The following SAE1 variants were observed in gnomAD, a reference collection of about 807,000 sequenced individuals.
The protein encoded by SAE1 is SUMO1 activating enzyme subunit 1, also known as SUMO-activating enzyme subunit 1.
In SAE1, 11 loss-of-function variants were observed where a neutral mutation model predicts 40.6. That is an observed-to-expected ratio of 0.27 (90% confidence interval 0.17 to 0.45). The LOEUF is 0.45. Among genes scored for constraint, SAE1 ranks in the 20% least tolerant of loss-of-function variants. The pLI is 1.00. For missense variants in SAE1, 373 were observed against 427.3 expected (o/e 0.87, Z 1.12); for synonymous variants, 155 against 154.3 (o/e 1.00, Z -0.03).
chr19:47,154,715 C>G (rs2058310121), intron 4 of SAE1, among the ~76,000 whole-genome samples: 1 of 151,880 alleles, frequency 6.6e-6, no homozygotes, highest in African/African-American at 2.4e-5. Flanking sequence ...AGGATGGTCT[C>G]AAACCCTTGA....
At chr19:47,140,694 C>A (rs1197876696) in intron 1 of SAE1, among the ~76,000 whole-genome samples, 1 of 151,666 alleles carries the variant, frequency 6.6e-6, no homozygotes, top group African/African-American at 2.4e-5. Flanking sequence ...ACTCAATAGG[C>A]CGAGGTGGCG....
intron 5 of SAE1, among the ~76,000 whole-genome samples, chr19:47,163,839 G>A (rs964063237): frequency 1.3e-5 from 2 of 152,182 alleles, no homozygotes; most frequent in Non-Finnish European, 2.9e-5. Context: ...AGGCTGGAGC[G>A]CAGTGGCGTG....
intron 5 of SAE1, among the ~76,000 whole-genome samples, chr19:47,157,961 C>T (rs142758951): frequency 6.6e-5 from 10 of 152,210 alleles, no homozygotes; most frequent in Admixed American, 4.6e-4. Context: ...TGCCTCCTTC[C>T]GTTTTGGCAC....
At chr19:47,172,407 G>A (rs2058440270) in intron 6 of SAE1, among the ~76,000 whole-genome samples, 1 of 152,108 alleles carries the variant, frequency 6.6e-6, no homozygotes, top group Non-Finnish European at 1.5e-5. Flanking sequence ...TGGGCCCTTT[G>A]GGAGAAGCTT....
rs143321323 is a variant in SAE1, at chr19:47,182,496, T to TGTGTGCGC, written c.733+12574_733+12575insTGTGCGCG. Among the ~76,000 whole-genome samples, 751 of 146,014 alleles carry TGTGTGCGC rather than the reference T, an allele frequency of 5.1e-3. 7 individuals carry two copies. Among genetic ancestry groups the TGTGTGCGC allele is most frequent in the African/African-American group, 0.017 (656 of 38,682 alleles). On this transcript the variant is annotated intron_variant, in intron 6 of 8. Coordinates refer to ENST00000270225, the MANE Select transcript of SAE1 (RefSeq NM_005500.3). ...GTGTGTGTGTGTGTGTGTGTGTGTG[T>TGTGTGCGC]GCGCGCACGCACGCGCGCGCGCACA... is the stretch of plus-strand genomic sequence containing the variant.
At chr19:47,184,262 C>T (rs781137133) in intron 6 of SAE1, among the ~76,000 whole-genome samples, 13 of 152,050 alleles carry the variant, frequency 8.5e-5, no homozygotes, top group Non-Finnish European at 1.6e-4. Flanking sequence ...TTCTCTTTTC[C>T]AAAGGTGACA....
chr19:47,179,185 C>T (rs187373548), intron 6 of SAE1, among the ~76,000 whole-genome samples: 27 of 133,986 alleles, frequency 2.0e-4, no homozygotes, highest in African/African-American at 7.4e-4. Flanking sequence ...GAACAAGGCT[C>T]TGTCTCCAAA....
rs903329835 is a variant in SAE1 at position 47,196,289 on chromosome 19, C to G, written c.734-944C>G. 2.0e-5 allele frequency among the ~76,000 whole-genome samples: 3 copies of G among 147,690 alleles called. No individual in the cohort carries two copies. In the Admixed American group the frequency reaches 2.0e-4, roughly 10 times the overall value. ...TGACCTCGTGATCCTCCCACCTCGG[C>G]CTCCCAAAGTGCTGGGATTACAGGC... On this transcript the variant is annotated intron_variant, in intron 6 of 8. Transcript: ENST00000270225.
rs397859917 is a variant in SAE1, at chr19:47,147,199, GTTTTTTTTTTT to G, written c.211-2985_211-2975del. On this transcript the variant is annotated intron_variant, in intron 2 of 8. Coordinates refer to ENST00000270225, the MANE Select transcript of SAE1 (RefSeq NM_005500.3). ...TGAAATGATAATTGTATGTGTATGGGTTTTTTTTTTTTTTTTTTTTTTTTTTTTGAGGCAGT... is the reference window on the plus strand; with the variant it reads ...TGAAATGATAATTGTATGTGTATGGGTTTTTTTTTTTTTTTTTGAGGCAGT... Among the ~76,000 whole-genome samples the G allele has an allele frequency of 8.2e-4, 50 of 60,978 alleles. 1 individual carries two copies. Among genetic ancestry groups the G allele is most frequent in the Non-Finnish European group, 1.2e-3 (41 of 33,378 alleles). 40.0% of individuals were successfully genotyped at this position (60,978 alleles called of 152,430 possible). A position where few individuals can be genotyped will look rare whatever the true frequency, so the allele number is the denominator to read the frequency against.
chr19:47,194,465 G>A (rs372977278), intron 6 of SAE1, among the ~76,000 whole-genome samples: 56 of 152,320 alleles, frequency 3.7e-4, no homozygotes, highest in East Asian at 2.3e-3. Context: ...AACATATACG[G>A]AAGAGATATC....
At chr19:47,171,636 A>T (rs1359545058) in intron 6 of SAE1, among the ~76,000 whole-genome samples, 1 of 149,688 alleles carries the variant, frequency 6.7e-6, no homozygotes, top group Non-Finnish European at 1.5e-5. Flanking sequence ...TATTTTTAGT[A>T]TTTTTGTATT....
Position 47,180,670 on chromosome 19 carries a change from A to G in SAE1, c.733+10747A>G, listed in dbSNP as rs538271226. Among the ~76,000 whole-genome samples the G allele has an allele frequency of 5.3e-5, 8 of 152,220 alleles. No individual in the cohort carries two copies. The South Asian group carries it at 1.7e-3, about 32-fold the overall frequency. ...AGACCCCATCTCTACAAAAAATAAA[A>G]AAGTTAGCCAGATACAGTGGTGCAT... On this transcript the variant is annotated intron_variant, in intron 6 of 8. Coordinates refer to ENST00000270225, the MANE Select transcript of SAE1 (RefSeq NM_005500.3).
At chr19:47,190,589 C>CCCTGCAAGGACTTCAGATGTGGTCAGCG (rs2058572506) in intron 6 of SAE1, among the ~76,000 whole-genome samples, 1 of 152,148 alleles carries the variant, frequency 6.6e-6, no homozygotes, top group Non-Finnish European at 1.5e-5. Flanking sequence ...TTCCCAGAGG[C>CCCTGCAAGGACTTCAGATGTGGTCAGCG]CCTGCAAGGA....
chr19:47,176,484 T>C (rs1195642628), intron 6 of SAE1, among the ~76,000 whole-genome samples: 1 of 152,216 alleles, frequency 6.6e-6, no homozygotes, highest in African/African-American at 2.4e-5. Context: ...TAAATAAATA[T>C]TTTTTGCATG....
At chr19:47,154,509 T>TTTTTTTTTTTTTTTG (rs1170158203) in intron 4 of SAE1, among the ~76,000 whole-genome samples, 1 of 126,534 alleles carries the variant, frequency 7.9e-6, no homozygotes, top group African/African-American at 2.9e-5. Flanking sequence ...TTTTTTTTTT[T>TTTTTTTTTTTTTTTG]TCTGAGACAG....
At chr19:47,176,972 T>C (rs1273137669) in intron 6 of SAE1, among the ~76,000 whole-genome samples, 2 of 152,214 alleles carry the variant, frequency 1.3e-5, no homozygotes, top group Non-Finnish European at 2.9e-5. Context: ...ATACCGAGTC[T>C]GGTATGGAAA....
chr19:47,178,461 T>A (rs979659979), intron 6 of SAE1, among the ~76,000 whole-genome samples: 1 of 152,168 alleles, frequency 6.6e-6, no homozygotes, highest in Non-Finnish European at 1.5e-5. Context: ...GGTCAAAGCC[T>A]TTGCTTACTC....
chr19:47,201,348 G>C, intron 7 of SAE1, among the ~76,000 whole-genome samples: 1 of 105,594 alleles, frequency 9.5e-6, no homozygotes, highest in African/African-American at 3.7e-5. Flanking sequence ...CACCTGGCCT[G>C]TTATCTGGTT....
At chr19:47,182,837 C>A (rs1204799479) in intron 6 of SAE1, among the ~76,000 whole-genome samples, 1 of 152,128 alleles carries the variant, frequency 6.6e-6, no homozygotes, top group African/African-American at 2.4e-5. Flanking sequence ...AATCCCAGCC[C>A]TTTGGGAGGC....
Sources: allele counts gnomAD v4.1 joint callset (sites outside exome capture counted in the v4.1 genomes callset), GRCh38; gene constraint gnomAD v4.1.1; transcripts MANE v1.5; gene names NCBI Gene and HGNC (gene_info 2026-07-23, HGNC 2026-07-21).